DCP1B: variants seen among roughly 807,000 people sequenced by gnomAD.
DCP1B encodes the protein decapping mRNA 1B.
A neutral mutation model predicts 60.5 loss-of-function variants in DCP1B; 47 were observed. The ratio of observed to expected loss-of-function variants is 0.78; its 90% CI spans 0.61 to 0.99. The LOEUF is 0.99. Ranked by LOEUF, DCP1B falls within the 50% of genes least tolerant of loss-of-function variation. The probability of loss-of-function intolerance (pLI) is 0.00; values close to 1 mark genes in which losing one functional copy is unlikely to be tolerated. For synonymous variants in DCP1B, 267 were observed against 280.3 expected (o/e 0.95, Z 0.47); for missense variants, 725 against 756.8 (o/e 0.96, Z 0.49).
chr12:1,951,035 C>A (rs552985454), intron 7 of DCP1B, among the ~76,000 whole-genome samples: 1 of 152,182 alleles, frequency 6.6e-6, no homozygotes, highest in African/African-American at 2.4e-5. Context: ...ACTCTGAGAG[C>A]CCGAGGTGGG....
chr12:1,998,008 T>G, intron 1 of DCP1B, 33 bp from the exon 2 acceptor site: 9 of 1,580,250 alleles, frequency 5.7e-6, no homozygotes, highest in Non-Finnish European at 7.7e-6. Context: ...ACAAGACATG[T>G]ATGTTCTCTT....
chr12:1,951,570 G>C (rs1265270177), intron 7 of DCP1B, among the ~76,000 whole-genome samples: 2 of 152,146 alleles, frequency 1.3e-5, no homozygotes, highest in African/African-American at 4.8e-5. Context: ...GTTTGTGTGG[G>C]GGGTGGAGGT....
At chr12:1,986,961 A>G (rs2037976213) in intron 3 of DCP1B, among the ~76,000 whole-genome samples, 1 of 152,200 alleles carries the variant, frequency 6.6e-6, no homozygotes, top group South Asian at 2.1e-4. Flanking sequence ...GTTATGAAAC[A>G]TCCCAAGTAA....
rs1300504845 is a variant in DCP1B at position 1,971,828 on chromosome 12, T to C, written c.320-3918A>G. Among the ~76,000 whole-genome samples the C allele has an allele frequency of 6.6e-6, 1 of 152,244 alleles. No homozygotes were observed. Among genetic ancestry groups the C allele is most frequent in the Non-Finnish European group, 1.5e-5 (1 of 68,036 alleles). ...AATATTTCTGTTTGATCTGTTCTTT[T>C]AAGATATTTATAATTTGTTTTATAT... On this transcript the variant is annotated intron_variant, in intron 3 of 8. Transcript: ENST00000280665. This position sits in a 1 kb window ranked among gnomAD's most constrained non-coding sequence, Gnocchi z 4.2.
At chr12:2,001,611 C>T (rs1203911516) in intron 1 of DCP1B, among the ~76,000 whole-genome samples, 1 of 152,312 alleles carries the variant, frequency 6.6e-6, no homozygotes, top group South Asian at 2.1e-4. Context: ...TCCCAAATCT[C>T]TCTTCATCAT....
intron 3 of DCP1B, among the ~76,000 whole-genome samples, chr12:1,986,395 G>C (rs77778833): frequency 0.017 from 2,542 of 152,186 alleles, 73 homozygotes; most frequent in African/African-American, 0.056. Context: ...TTATCTCAGG[G>C]TTTTAGACTC....
At chr12:1,989,251 G>A (rs112737957) in intron 3 of DCP1B, among the ~76,000 whole-genome samples, 4,174 of 152,262 alleles carry the variant, frequency 0.027, 96 homozygotes, top group Middle Eastern at 0.054. Flanking sequence ...TGGATATGGC[G>A]GTTTAGCCCA....
rs866967523 is a variant in DCP1B, at chr12:1,996,645, A to C, written c.191+1290T>G. On this transcript the variant is annotated intron_variant, in intron 2 of 8. Coordinates refer to ENST00000280665, the MANE Select transcript of DCP1B (RefSeq NM_152640.5). ...AAAAAAAAAAAAAAAAAAAAAAAAA[A>C]AAAAAAAAAACAACAAACTCTTCTA... is the stretch of plus-strand genomic sequence containing the variant. Among the ~76,000 whole-genome samples the C allele has an allele frequency of 1.6e-3, 149 of 93,938 alleles. 8 individuals carry two copies. The highest frequency in any genetic ancestry group is 7.3e-3 in the African/African-American group (133 of 18,286). 61.6% of individuals were successfully genotyped at this position (93,938 alleles called of 152,430 possible). A position where few individuals can be genotyped will look rare whatever the true frequency, so the allele number is the denominator to read the frequency against.
At chr12:1,978,131 C>T (rs1292445092) in intron 3 of DCP1B, among the ~76,000 whole-genome samples, 1 of 152,122 alleles carries the variant, frequency 6.6e-6, no homozygotes. Context: ...AAAGAGAAAT[C>T]TTGCTTCTCT....
At chr12:1,951,273 C>T (rs2154456514) in intron 7 of DCP1B, among the ~76,000 whole-genome samples, 1 of 152,092 alleles carries the variant, frequency 6.6e-6, no homozygotes, top group Non-Finnish European at 1.5e-5. Context: ...GAAACTCTGT[C>T]TCAAAAAACA....
chr12:1,946,214 TC>T lies in DCP1B; in HGVS notation c.1845del (p.Thr616LeufsTer8), dbSNP rs777210935. On this transcript the variant is annotated frameshift_variant, in exon 9 of 9. Coordinates refer to ENST00000280665, the MANE Select transcript of DCP1B (RefSeq NM_152640.5). LOFTEE classifies it high-confidence loss of function. Reference sequence around the variant, plus strand: ...TTTAAAAGGCCTTGCTGTCACATAGTCTTTTTCATGGCTGCTTGAGTCATGC... The same window carrying T: ...TTTAAAAGGCCTTGCTGTCACATAGTTTTTTCATGGCTGCTTGAGTCATGC... ...LFSMTQAAMKKTM is the reference protein window; with the variant it reads ...LFSMTQAAMKXTM 6.2e-7 allele frequency: 1 copy of T among 1,603,044 alleles called. No homozygotes were observed. Among genetic ancestry groups the T allele is most frequent in the South Asian group, 1.1e-5 (1 of 87,870 alleles).
Position 1,949,199 on chromosome 12 carries a change from G to A in DCP1B, c.1660C>T (p.Pro554Ser), listed in dbSNP as rs777141858. Residue 554 changes from proline (P) to serine (S), a missense_variant, in exon 8 of 9, where the codon CCT becomes TCT. Transcript: ENST00000280665. ...GLLPVGGQEPPAAATSLLLPI... is the reference protein window; with the variant it reads ...GLLPVGGQEPSAAATSLLLPI... ...AGGAGGAGGCTGGTGGCAGCAGCAGGTGGCTCCTGGCCTCCCACAGGCAAG... is the reference window on the plus strand; with the variant it reads ...AGGAGGAGGCTGGTGGCAGCAGCAGATGGCTCCTGGCCTCCCACAGGCAAG... 2 of 1,614,050 alleles carry A rather than the reference G, an allele frequency of 1.2e-6. No homozygotes were observed. Among genetic ancestry groups the A allele is most frequent in the African/African-American group, 1.3e-5 (1 of 74,920 alleles).
intron 3 of DCP1B, among the ~76,000 whole-genome samples, chr12:1,979,908 G>A (rs1233426001): frequency 1.3e-5 from 2 of 152,094 alleles, no homozygotes; most frequent in Non-Finnish European, 2.9e-5. Flanking sequence ...ATGGTAAAAT[G>A]CAAATTAAAA....
At chr12:1,998,007 G>T in intron 1 of DCP1B, 32 bp from the exon 2 acceptor site, 1 of 1,582,396 alleles carries the variant, frequency 6.3e-7, no homozygotes, top group Non-Finnish European at 8.6e-7. Flanking sequence ...CACAAGACAT[G>T]TATGTTCTCT....
intron 5 of DCP1B, among the ~76,000 whole-genome samples, chr12:1,958,108 G>A (rs1449000477): frequency 2.1e-5 from 3 of 142,322 alleles, no homozygotes; most frequent in Non-Finnish European, 3.1e-5. Context: ...CTCCTGGAAG[G>A]AAACAGGGGA....
At position 1,971,401 on chromosome 12, in the gene DCP1B, A is replaced by G. The variant is rs141733387; in HGVS notation, c.320-3491T>C. 5.0e-3 allele frequency among the ~76,000 whole-genome samples: 762 copies of G among 152,222 alleles called. 3 individuals carry two copies. The highest frequency in any genetic ancestry group is 0.027 in the Middle Eastern group (8 of 294). ...TTATGCCGTTCTTTGGAAATTCTCA[A>G]TTGAAAAAAAGTGATGTTTGAGGCA... On this transcript the variant is annotated intron_variant, in intron 3 of 8. Coordinates refer to ENST00000280665, the MANE Select transcript of DCP1B (RefSeq NM_152640.5). This position sits in a 1 kb window ranked among gnomAD's most constrained non-coding sequence, Gnocchi z 4.2.
At chr12:1,996,644 AAAAAAAAAAAAC>A (rs56006367) in intron 2 of DCP1B, among the ~76,000 whole-genome samples, 1,861 of 89,086 alleles carry the variant, frequency 0.021, 94 homozygotes, top group African/African-American at 0.045. Flanking sequence ...AAAAAAAAAA[AAAAAAAAAAAAC>A]AACAAACTCT....
In DCP1B at chr12:1,952,775, T is replaced by A; in HGVS notation, c.1165A>T (p.Thr389Ser). 6.2e-7 allele frequency: 1 copy of A among 1,614,176 alleles called. No individual in the cohort carries two copies. Among genetic ancestry groups the A allele is most frequent in the Non-Finnish European group, 8.5e-7 (1 of 1,180,018 alleles). Reference protein sequence around the residue: ...SAALNRSRAPTSVTPVAPGKG... With the variant: ...SAALNRSRAPSSVTPVAPGKG... ...CCTGGAGCCACAGGGGTGACAGAAG[T>A]GGGAGCTCTGCTGCGGTTCAGGGCA... Residue 389 changes from threonine (T) to serine (S), a missense_variant, in exon 7 of 9, where the codon ACT becomes TCT. Thr to Ser is a moderately conservative substitution (Grantham distance 58, BLOSUM62 1). Transcript: ENST00000280665.
At chr12:1,943,572 A>C (rs929414134), downstream of DCP1B, among the ~76,000 whole-genome samples, 17 of 152,212 alleles carry the variant, frequency 1.1e-4, no homozygotes, top group Non-Finnish European at 2.2e-4. Flanking sequence ...CCAGCAGCAC[A>C]TCAAAAAGCT....
Sources: gnomAD v4.1 joint callset for allele counts (sites outside exome capture counted in the v4.1 genomes callset) on GRCh38, gnomAD v4.1.1 for gene constraint, Gnocchi (gnomAD v3.1) non-coding constraint, MANE v1.5 for transcripts, NCBI Gene and HGNC (gene_info 2026-07-23, HGNC 2026-07-21) for gene names.